Variants in NAALADL2 observed in about 807,000 individuals in gnomAD.
The protein encoded by NAALADL2 is N-acetylated alpha-linked acidic dipeptidase like 2, also known as inactive N-acetylated-alpha-linked acidic dipeptidase-like protein 2.
NAALADL2 carries 76 observed loss-of-function variants against 87.2 expected under a neutral mutation model. That is an observed-to-expected ratio of 0.87 (90% CI 0.72 to 1.05). NAALADL2 has a LOEUF of 1.05. Among genes scored for constraint, NAALADL2 ranks in the 50% least tolerant of loss-of-function variants. The probability of loss-of-function intolerance (pLI) is 0.00; values close to 1 mark genes in which losing one functional copy is unlikely to be tolerated. For synonymous variants in NAALADL2, 354 were observed against 331.0 expected (o/e 1.07, Z -0.75); for missense variants, 1,089 against 945.8 (o/e 1.15, Z -1.99).
At chr3:175,668,657 T>A (rs1553945683) in intron 11 of NAALADL2, among the ~76,000 whole-genome samples, 1 of 152,184 alleles carries the variant, frequency 6.6e-6, no homozygotes, top group Non-Finnish European at 1.5e-5. Context: ...TTCTCATGAT[T>A]TCTGTCCCCT....
intron 4 of NAALADL2, among the ~76,000 whole-genome samples, chr3:175,274,640 C>T (rs1581221587): frequency 2.0e-5 from 3 of 152,216 alleles, no homozygotes; most frequent in Middle Eastern, 6.8e-3. Flanking sequence ...CATTTTGGGT[C>T]TTTAATCATT....
At chr3:175,013,445 T>G (rs1187375075) in intron 1 of NAALADL2, among the ~76,000 whole-genome samples, 1 of 149,190 alleles carries the variant, frequency 6.7e-6, no homozygotes, top group African/African-American at 2.5e-5. Context: ...ATTACAGGCA[T>G]GCACCACCAC....
At chr3:174,834,482 G>T (rs1053590723) in intron 3 of NAALADL2, among the ~76,000 whole-genome samples, 35 of 151,884 alleles carry the variant, frequency 2.3e-4, no homozygotes, top group Non-Finnish European at 4.4e-4. Flanking sequence ...TGAATTAAAG[G>T]AATAGAGTTT....
chr3:174,659,484 A>G (rs1213227153), intron 2 of NAALADL2, among the ~76,000 whole-genome samples: 1 of 152,176 alleles, frequency 6.6e-6, no homozygotes, highest in Admixed American at 6.6e-5. Flanking sequence ...ACTCATTTTT[A>G]TCTTCCCAGA....
intron 2 of NAALADL2, among the ~76,000 whole-genome samples, chr3:175,127,644 A>G (rs533534168): frequency 7.1e-6 from 1 of 141,220 alleles, no homozygotes; most frequent in South Asian, 2.3e-4. Context: ...AGTACTCTTT[A>G]CATTATTATA....
chr3:174,630,473 C>A (rs556852), intron 2 of NAALADL2, among the ~76,000 whole-genome samples: 124,116 of 152,100 alleles, frequency 0.82, 51,169 homozygotes, highest in Non-Finnish European at 0.87. Context: ...TTTATCCTTA[C>A]TTTTCCTGGT....
At chr3:175,440,060 G>T (rs748945387) in intron 5 of NAALADL2, among the ~76,000 whole-genome samples, 1 of 152,094 alleles carries the variant, frequency 6.6e-6, no homozygotes, top group African/African-American at 2.4e-5. Flanking sequence ...GTTGATTTTT[G>T]TATAAGATGA....
At chr3:174,895,324 A>C (rs950370299) in intron 1 of NAALADL2, among the ~76,000 whole-genome samples, 3 of 152,156 alleles carry the variant, frequency 2.0e-5, no homozygotes, top group Non-Finnish European at 4.4e-5. Flanking sequence ...AAAAAAAGTA[A>C]AAATAGAAAT....
intron 2 of NAALADL2, among the ~76,000 whole-genome samples, chr3:175,195,324 G>GGGAA (rs1191100975): frequency 1.4e-4 from 22 of 151,780 alleles, no homozygotes; most frequent in African/African-American, 5.1e-4. Context: ...GAAGAAGGGA[G>GGGAA]ACAATAAGCA....
intron 2 of NAALADL2, among the ~76,000 whole-genome samples, chr3:175,225,017 T>A (rs969903502): frequency 6.6e-6 from 1 of 152,136 alleles, no homozygotes; most frequent in African/African-American, 2.4e-5. Context: ...ATTTCAGTGT[T>A]TGGTGCTGAA....
intron 2 of NAALADL2, among the ~76,000 whole-genome samples, chr3:175,136,433 G>A (rs956549052): frequency 2.6e-5 from 4 of 152,096 alleles, no homozygotes; most frequent in East Asian, 3.9e-4. Context: ...CAAGAAGGAC[G>A]GGTTAAAGTG....
intron 1 of NAALADL2, among the ~76,000 whole-genome samples, chr3:174,530,711 G>T (rs774465391): frequency 1.6e-4 from 24 of 152,100 alleles, no homozygotes; most frequent in Non-Finnish European, 2.8e-4. Context: ...CAGATCTCAT[G>T]AGACTTATTC....
At chr3:174,802,680 T>C (rs1718982697) in intron 3 of NAALADL2, among the ~76,000 whole-genome samples, 1 of 152,146 alleles carries the variant, frequency 6.6e-6, no homozygotes, top group Admixed American at 6.5e-5. Flanking sequence ...CCTTGCCCTG[T>C]GTCTATGTGT....
chr3:174,882,802 T>A (rs1729547058), intron 1 of NAALADL2, among the ~76,000 whole-genome samples: 1 of 104,220 alleles, frequency 9.6e-6, no homozygotes, highest in African/African-American at 5.1e-5. Flanking sequence ...TATACACGTG[T>A]GTATATGTGC....
intron 3 of NAALADL2, chr3:175,235,369 A>C (rs1398035039): frequency 6.6e-6 from 1 of 152,220 alleles, no homozygotes; most frequent in African/African-American, 2.4e-5. Context: ...GCTGCATATA[A>C]CTATTACCAC....
chr3:175,138,853 C>A (rs1729536611), intron 2 of NAALADL2, among the ~76,000 whole-genome samples: 1 of 131,914 alleles, frequency 7.6e-6, no homozygotes, highest in Non-Finnish European at 1.5e-5. Context: ...ATGAATTGCA[C>A]TAAAGAGCCA....
chr3:174,896,184 A>C (rs902999971), intron 1 of NAALADL2, among the ~76,000 whole-genome samples: 1 of 152,098 alleles, frequency 6.6e-6, no homozygotes, highest in Non-Finnish European at 1.5e-5. Context: ...TAGCTAGCAC[A>C]ATCAGACAAG....
chr3:174,901,355 C>G (rs999824948), intron 1 of NAALADL2, among the ~76,000 whole-genome samples: 15 of 152,138 alleles, frequency 9.9e-5, no homozygotes, highest in African/African-American at 2.9e-4. Flanking sequence ...TGAGCCCTGT[C>G]TCTATGGGCA....
At chr3:174,736,921 A>G (rs1451666011) in intron 2 of NAALADL2, among the ~76,000 whole-genome samples, 1 of 152,166 alleles carries the variant, frequency 6.6e-6, no homozygotes, top group Non-Finnish European at 1.5e-5. Context: ...GGAGAGGGCC[A>G]AGGCAGCAGG....
Sources: allele counts gnomAD v4.1 joint callset (sites outside exome capture counted in the v4.1 genomes callset), GRCh38; gene constraint gnomAD v4.1.1; transcripts MANE v1.5; gene names NCBI Gene and HGNC (gene_info 2026-07-23, HGNC 2026-07-21).